Variants in HDX observed in about 807,000 individuals in gnomAD.
HDX encodes chromosome X open reading frame 43.
HDX carries 19 observed loss-of-function variants against 45.2 expected under a neutral mutation model. That is an observed-to-expected ratio of 0.42 (90% CI 0.29 to 0.62). The LOEUF (loss-of-function observed/expected upper bound fraction) is 0.62. Among genes scored for constraint, HDX ranks in the 20% least tolerant of loss-of-function variants. The probability of loss-of-function intolerance (pLI) is 0.20; values close to 1 mark genes in which losing one functional copy is unlikely to be tolerated. For synonymous variants in HDX, 188 were observed against 172.8 expected (o/e 1.09, Z -0.69); for missense variants, 532 against 493.9 (o/e 1.08, Z -0.73).
chrX:84,353,101 T>C, intron 6 of HDX, among the ~76,000 whole-genome samples: 2 of 112,452 alleles, frequency 1.8e-5, no homozygotes, highest in Non-Finnish European at 3.8e-5. Flanking sequence ...ATATTGGAAG[T>C]ATGTGATATT....
At chrX:84,481,234 A>G (rs1193823717) in intron 2 of HDX, among the ~76,000 whole-genome samples, 1 of 111,095 alleles carries the variant, frequency 9.0e-6, no homozygotes, top group South Asian at 3.7e-4. Flanking sequence ...TTTATTTAGC[A>G]TTTATTTAGT....
At chrX:84,458,933 T>G (rs2040173148) in intron 4 of HDX, among the ~76,000 whole-genome samples, 1 of 112,150 alleles carries the variant, frequency 8.9e-6, no homozygotes, top group Non-Finnish European at 1.9e-5. Flanking sequence ...TATTTCATAC[T>G]TTTTAGATAC....
At chrX:84,401,022 C>A (rs1486821537) in intron 5 of HDX, among the ~76,000 whole-genome samples, 1 of 111,885 alleles carries the variant, frequency 8.9e-6, no homozygotes, top group Non-Finnish European at 1.9e-5. Context: ...GAAACTGGAT[C>A]CCTTCCTTAC....
At chrX:84,388,694 T>G (rs1158199863) in intron 5 of HDX, among the ~76,000 whole-genome samples, 1 of 111,780 alleles carries the variant, frequency 8.9e-6, no homozygotes, top group Non-Finnish European at 1.9e-5. Flanking sequence ...CCTTCAGCTC[T>G]TGGATCATTT....
chrX:84,471,282 T>C (rs2040452068), intron 3 of HDX, among the ~76,000 whole-genome samples: 1 of 109,142 alleles, frequency 9.2e-6, no homozygotes, highest in Non-Finnish European at 1.9e-5. Context: ...GATAGATAGA[T>C]AGATTTTCAT....
intron 2 of HDX, among the ~76,000 whole-genome samples, chrX:84,481,544 C>A (rs903619777): frequency 3.6e-5 from 4 of 111,011 alleles, no homozygotes; most frequent in Admixed American, 1.9e-4. Flanking sequence ...TATTTTCCTA[C>A]AGCACTCTAT....
intron 1 of HDX, among the ~76,000 whole-genome samples, chrX:84,494,468 G>A (rs1034803839): frequency 5.4e-5 from 6 of 111,923 alleles, no homozygotes; most frequent in Non-Finnish European, 1.1e-4. Context: ...TACACAAAGA[G>A]ATAGACTATT....
chrX:84,396,524 T>C (rs193262079), intron 5 of HDX, among the ~76,000 whole-genome samples: 64 of 112,012 alleles, frequency 5.7e-4, no homozygotes, highest in African/African-American at 2.1e-3. Context: ...CTCTACATTG[T>C]TTGCTTGGAT....
At chrX:84,419,198 T>C (rs2039189073) in intron 5 of HDX, among the ~76,000 whole-genome samples, 2 of 110,879 alleles carry the variant, frequency 1.8e-5, no homozygotes, top group South Asian at 7.8e-4. Context: ...GGTACCAGCA[T>C]GGCAACAGGC....
intron 4 of HDX, among the ~76,000 whole-genome samples, chrX:84,443,031 T>C (rs1367386929): frequency 9.0e-6 from 1 of 111,685 alleles, no homozygotes; most frequent in African/African-American, 3.2e-5. Flanking sequence ...GCACATAGTA[T>C]GCAAATATTA....
chrX:84,459,435 C>T (rs2040189056), intron 4 of HDX, among the ~76,000 whole-genome samples: 1 of 102,297 alleles, frequency 9.8e-6, no homozygotes, highest in East Asian at 3.0e-4. Flanking sequence ...GAGCGAGACT[C>T]GATCTCAAAA....
chrX:84,385,609 T>C (rs760165196), intron 5 of HDX, among the ~76,000 whole-genome samples: 1 of 110,514 alleles, frequency 9.0e-6, no homozygotes, highest in South Asian at 3.9e-4. Context: ...TTACTTTCTT[T>C]CTGGGATTTG....
At chrX:84,500,684 G>C (rs1376117033) in intron 1 of HDX, among the ~76,000 whole-genome samples, 1 of 111,303 alleles carries the variant, frequency 9.0e-6, no homozygotes, top group Non-Finnish European at 1.9e-5. Context: ...GACATCCTAC[G>C]TGGAGGGGAC....
chrX:84,429,940 T>C, intron 5 of HDX, among the ~76,000 whole-genome samples: 1 of 111,001 alleles, frequency 9.0e-6, no homozygotes, highest in East Asian at 2.8e-4. Flanking sequence ...TACATAGCTA[T>C]GTTTTGATAC....
In HDX at chrX:84,365,079, T is replaced by C. The variant is rs143131698; in HGVS notation, c.1306-3467A>G. On this transcript the variant is annotated intron_variant, in intron 5 of 10. Coordinates refer to ENST00000373177, the MANE Select transcript of HDX (RefSeq NM_001177479.2). Reference sequence around the variant, plus strand: ...TGCAGTAAACATTGGAGGGCAGATATCTTCTTGATATCCTGATTTCTTTTT... The same window carrying C: ...TGCAGTAAACATTGGAGGGCAGATACCTTCTTGATATCCTGATTTCTTTTT... Among the ~76,000 whole-genome samples, 328 of 104,043 alleles carry C rather than the reference T, an allele frequency of 3.2e-3. 7 individuals carry two copies. The East Asian group carries it at 0.089, about 28-fold the overall frequency. The allele number at this position is 104,043 out of a possible 115,157, so 90.3% of individuals were successfully genotyped here.
chrX:84,362,540 G>A (rs980781574), intron 5 of HDX, among the ~76,000 whole-genome samples: 1 of 110,447 alleles, frequency 9.1e-6, no homozygotes, highest in Non-Finnish European at 1.9e-5. Context: ...AAAGCCCTGT[G>A]TGTGTGCTTC....
At chrX:84,446,806 T>C (rs2039883643) in intron 4 of HDX, among the ~76,000 whole-genome samples, 1 of 112,376 alleles carries the variant, frequency 8.9e-6, no homozygotes, top group Non-Finnish European at 1.9e-5. Context: ...ACAGTGTTTT[T>C]ATTTGCCTTG....
intron 2 of HDX, among the ~76,000 whole-genome samples, chrX:84,487,676 A>G (rs1248135863): frequency 1.8e-5 from 2 of 111,858 alleles, no homozygotes; most frequent in African/African-American, 6.5e-5. Context: ...CCAGTATTAA[A>G]AGATCCCCTT....
chrX:84,450,715 T>C (rs1290623567), intron 4 of HDX, among the ~76,000 whole-genome samples: 1 of 112,401 alleles, frequency 8.9e-6, no homozygotes, highest in Non-Finnish European at 1.9e-5. Context: ...ATTTACAGAA[T>C]ATTTCATCAA....
Sources: gnomAD v4.1 joint callset for allele counts (sites outside exome capture counted in the v4.1 genomes callset) on GRCh38, gnomAD v4.1.1 for gene constraint, MANE v1.5 for transcripts, NCBI Gene and HGNC (gene_info 2026-07-23, HGNC 2026-07-21) for gene names.